CABLES1: variants seen among roughly 807,000 people sequenced by gnomAD.
The protein encoded by CABLES1 is Cdk5 and Abl enzyme substrate 1.
In CABLES1, 36 loss-of-function variants were observed where a neutral mutation model predicts 57.8. The ratio of observed to expected loss-of-function variants is 0.62; its 90% confidence interval spans 0.48 to 0.82. CABLES1 has a LOEUF of 0.82. CABLES1 is among the 40% of genes least tolerant of loss of function. CABLES1 has a pLI of 0.00. For synonymous variants in CABLES1, 374 were observed against 363.0 expected (o/e 1.03, Z -0.35); for missense variants, 767 against 836.6 (o/e 0.92, Z 1.03).
chr18:23,136,276 G>A lies in CABLES1; in HGVS notation c.514G>A (p.Ala172Thr), dbSNP rs907952775. 1,192 of 1,359,810 alleles carry A rather than the reference G, an allele frequency of 8.8e-4. 1 individual carries two copies. The highest frequency in any genetic ancestry group is 1.0e-3 in the Non-Finnish European group (1,103 of 1,062,514). 84.2% of individuals were successfully genotyped at this position (1,359,810 alleles called of 1,614,324 possible). A position where few individuals can be genotyped will look rare whatever the true frequency, so the allele number is the denominator to read the frequency against. Residue 172 changes from alanine to threonine, a missense_variant, in exon 1 of 10, where the codon GCC becomes ACC. Physicochemically the swap from Ala to Thr is moderately conservative, Grantham distance 58. This residue lies in a region of CABLES1 where 529 missense variants were observed against 622.8 expected (regional missense o/e 0.85). Coordinates refer to ENST00000256925, the MANE Select transcript of CABLES1 (RefSeq NM_001100619.3). The stretch of plus-strand genomic sequence containing the variant: ...GCGGGGGTTCGCGAGTCCCCTGGGC[G>A]CCGGCCGGGCGTCGGGGGAGCAGTG... ...VARGFASPLG[A>T]GRASGEQWQP...
chr18:23,189,135 T>G (rs958686741), intron 2 of CABLES1: 1 of 480,808 alleles, frequency 2.1e-6, no homozygotes, highest in Non-Finnish European at 3.7e-6. Context: ...TGCATGGAGA[T>G]TTGGGTGCTT....
At chr18:23,210,754 G>A (rs796161736) in intron 3 of CABLES1, among the ~76,000 whole-genome samples, 6 of 152,288 alleles carry the variant, frequency 3.9e-5, no homozygotes, top group African/African-American at 1.2e-4. Flanking sequence ...CAGGAAACAC[G>A]TATGATGTGT....
chr18:23,136,126 C>T lies in CABLES1; in HGVS notation c.364C>T (p.Leu122Phe), dbSNP rs2046818360. Residue 122 changes from leucine (L) to phenylalanine (F), a missense_variant, in exon 1 of 10, where the codon CTC becomes TTC. Leu to Phe is a conservative substitution (Grantham distance 22). Coordinates refer to ENST00000256925, the MANE Select transcript of CABLES1 (RefSeq NM_001100619.3). ...TGCCGAGCGGGGCGGCTGCATCGCG[C>T]TCGCCGCGCCGGGCACGCCGGCTGC... ...AAAERGGCIA[L>F]AAPGTPAAGL... The T allele has an allele frequency of 1.7e-6, 2 of 1,196,410 alleles. No individual in the cohort carries two copies. Among genetic ancestry groups the T allele is most frequent in the Non-Finnish European group, 2.1e-6 (2 of 965,528 alleles). The allele number at this position is 1,196,410 out of a possible 1,614,324, so 74.1% of individuals were successfully genotyped here. A position where few individuals can be genotyped will look rare whatever the true frequency, so the allele number is the denominator to read the frequency against.
chr18:23,158,310 A>G (rs2046979138), intron 1 of CABLES1, among the ~76,000 whole-genome samples: 1 of 152,096 alleles, frequency 6.6e-6, no homozygotes, highest in Non-Finnish European at 1.5e-5. Flanking sequence ...TCAAAAAATG[A>G]TAATAACACC....
At chr18:23,220,784 G>A (rs2047481343) in intron 4 of CABLES1, among the ~76,000 whole-genome samples, 1 of 152,238 alleles carries the variant, frequency 6.6e-6, no homozygotes, top group Non-Finnish European at 1.5e-5. Context: ...TCACCCTGCA[G>A]ACTTGGATGC....
intron 1 of CABLES1, among the ~76,000 whole-genome samples, chr18:23,173,728 C>T (rs1042846408): frequency 1.3e-5 from 2 of 152,130 alleles, no homozygotes; most frequent in African/African-American, 2.4e-5. Context: ...TCTGGGAGGT[C>T]GAGGTGGGTG....
At chr18:23,212,836 G>A (rs183685706) in intron 3 of CABLES1, among the ~76,000 whole-genome samples, 5 of 152,338 alleles carry the variant, frequency 3.3e-5, no homozygotes, top group South Asian at 2.1e-4. Flanking sequence ...TCTGAGCTAC[G>A]TTTGGAAGAA....
intron 3 of CABLES1, chr18:23,198,103 T>C (rs1276596128): frequency 6.6e-6 from 1 of 151,564 alleles, no homozygotes; most frequent in Non-Finnish European, 1.5e-5. Flanking sequence ...ACAAAAAAAA[T>C]ACAAAAATTA....
In CABLES1 at chr18:23,234,732, A is replaced by G. The variant is rs780114382; in HGVS notation, c.1185+28A>G. The stretch of plus-strand genomic sequence containing the variant: ...AAGGCTGCCAGGCTGCCAGTCACCA[A>G]GTTGTGCTGAAGGCACAAGGGTCAG... On this transcript the variant is annotated intron_variant, in intron 5 of 9. Coordinates refer to ENST00000256925, the MANE Select transcript of CABLES1 (RefSeq NM_001100619.3). 10 of 1,581,682 alleles carry G rather than the reference A, an allele frequency of 6.3e-6. No homozygotes were observed. The Admixed American group carries it at 1.3e-4, about 21-fold the overall frequency.
intron 1 of CABLES1, among the ~76,000 whole-genome samples, chr18:23,182,426 G>A (rs958217021): frequency 6.6e-6 from 1 of 152,188 alleles, no homozygotes; most frequent in Admixed American, 6.5e-5. Context: ...GTTAGGAGAA[G>A]GTTCTCACCC....
intron 3 of CABLES1, among the ~76,000 whole-genome samples, chr18:23,199,514 A>G (rs914329951): frequency 1.3e-5 from 2 of 152,234 alleles, no homozygotes; most frequent in East Asian, 1.9e-4. Flanking sequence ...GTATTTGGCC[A>G]TGAAAAGGAA....
chr18:23,236,302 GT>G (rs2047611442), intron 6 of CABLES1, among the ~76,000 whole-genome samples: 1 of 152,196 alleles, frequency 6.6e-6, no homozygotes, highest in East Asian at 1.9e-4. Context: ...TGCACACCAT[GT>G]AGAGATGGCT....
intron 2 of CABLES1, among the ~76,000 whole-genome samples, chr18:23,190,693 C>T (rs2047236142): frequency 6.6e-6 from 1 of 152,174 alleles, no homozygotes; most frequent in Non-Finnish European, 1.5e-5. Flanking sequence ...AACCTCAAAT[C>T]TTGTTATTAT....
intron 1 of CABLES1, among the ~76,000 whole-genome samples, chr18:23,150,264 A>G (rs969503833): frequency 3.2e-5 from 4 of 125,930 alleles, no homozygotes; most frequent in Non-Finnish European, 4.6e-5. Context: ...GCTGGAGTGC[A>G]GTGGCGCGAT....
intron 1 of CABLES1, among the ~76,000 whole-genome samples, chr18:23,137,496 T>G (rs1195199460): frequency 6.6e-6 from 1 of 152,110 alleles, no homozygotes; most frequent in Non-Finnish European, 1.5e-5. Context: ...TGCCCTCCCT[T>G]GTTGGTTAAT....
intron 1 of CABLES1, among the ~76,000 whole-genome samples, chr18:23,172,982 A>G (rs904663675): frequency 6.6e-6 from 1 of 152,172 alleles, no homozygotes; most frequent in African/African-American, 2.4e-5. Flanking sequence ...AAAGGGAGCA[A>G]TTTGCAAGGA....
chr18:23,247,958 AG>A (rs1445281650), intron 7 of CABLES1, among the ~76,000 whole-genome samples: 7 of 152,124 alleles, frequency 4.6e-5, no homozygotes, highest in African/African-American at 1.7e-4. Flanking sequence ...ACTCCCTGCC[AG>A]GGCCTAGCTT....
At chr18:23,141,692 C>T (rs1054029468) in intron 1 of CABLES1, among the ~76,000 whole-genome samples, 1 of 152,158 alleles carries the variant, frequency 6.6e-6, no homozygotes, top group Non-Finnish European at 1.5e-5. Flanking sequence ...GCAATGTGGG[C>T]GAGCTCAGGA....
chr18:23,211,042 T>C (rs974320391), intron 3 of CABLES1, among the ~76,000 whole-genome samples: 16 of 152,068 alleles, frequency 1.1e-4, no homozygotes, highest in Middle Eastern at 6.8e-3. Flanking sequence ...CAGCATGTTG[T>C]CAGCCTCTCC....
Sources: allele counts gnomAD v4.1 joint callset (sites outside exome capture counted in the v4.1 genomes callset), GRCh38; gene constraint gnomAD v4.1.1; regional missense constraint gnomAD v4.1.1; transcripts MANE v1.5; gene names NCBI Gene and HGNC (gene_info 2026-07-23, HGNC 2026-07-21).